TEC: variants seen among roughly 807,000 people sequenced by gnomAD.
TEC encodes the protein tec protein tyrosine kinase.
Under a neutral mutation model 93.0 loss-of-function variants are expected in TEC, and 72 were observed. The ratio of observed to expected loss-of-function variants is 0.77; its 90% confidence interval spans 0.64 to 0.94. The LOEUF (loss-of-function observed/expected upper bound fraction) is 0.94, where lower values mean the gene tolerates loss of function less well. TEC is among the 40% of genes least tolerant of loss of function. TEC has a pLI of 0.00. For missense variants in TEC, 630 were observed against 757.9 expected, an observed-to-expected ratio of 0.83 and a Z score of 1.98; for synonymous variants, 249 against 247.7, an observed-to-expected ratio of 1.01 and a Z score of -0.05.
chr4:48,151,820 C>G (rs751284828), intron 9 of TEC, among the ~76,000 whole-genome samples: 8 of 152,176 alleles, frequency 5.3e-5, no homozygotes, highest in Non-Finnish European at 8.8e-5. Context: ...GAGATGGAGG[C>G]ACAAGTAACT....
Position 48,146,373 on chromosome 4 carries a change from C to G in TEC, c.1033G>C (p.Val345Leu). 1 of 1,613,900 alleles carries G rather than the reference C, an allele frequency of 6.2e-7. No individual in the cohort carries two copies. The highest frequency in any genetic ancestry group is 8.5e-7 in the Non-Finnish European group (1 of 1,179,828). ...GGTGCATTCTTCCCTTTCACACTAA[C>G]TGGGTACCGAAGCCTGGTGACAAGT... ...AGLVTRLRYP[V>L]SVKGKNAPTT... Residue 345 changes from valine (V) to leucine (L), a missense_variant, in exon 12 of 18, where the codon GTT becomes CTT. By Grantham distance (32) the Val-to-Leu change is conservative (BLOSUM62 1). Transcript: ENST00000381501.
intron 2 of TEC, 143 bp downstream of exon 2, chr4:48,228,334 G>T: frequency 1.1e-6 from 1 of 910,276 alleles, no homozygotes; most frequent in Non-Finnish European, 1.5e-6. Context: ...TCCATACTCT[G>T]AAATTCATCT....
intron 2 of TEC, among the ~76,000 whole-genome samples, chr4:48,217,332 G>A (rs1302333093): frequency 6.6e-6 from 1 of 152,144 alleles, no homozygotes; most frequent in African/African-American, 2.4e-5. Flanking sequence ...TCGAACTCCT[G>A]ACCTCATGAT....
intron 2 of TEC, among the ~76,000 whole-genome samples, chr4:48,211,959 C>A (rs1722914411): frequency 6.6e-6 from 1 of 151,414 alleles, no homozygotes; most frequent in Non-Finnish European, 1.5e-5. Flanking sequence ...CTTAGCCAGG[C>A]GTGGTGGCAC....
At chr4:48,227,332 G>GA (rs1266861378) in intron 2 of TEC, among the ~76,000 whole-genome samples, 80 of 151,824 alleles carry the variant, frequency 5.3e-4, no homozygotes, top group South Asian at 2.1e-4. Context: ...AGATACTCTA[G>GA]AAAAAAAACA....
At chr4:48,186,345 GA>G (rs1721844342) in intron 2 of TEC, among the ~76,000 whole-genome samples, 1 of 150,888 alleles carries the variant, frequency 6.6e-6, no homozygotes, top group South Asian at 2.1e-4. Context: ...GAGCCCCTCT[GA>G]CCAGCCGCCC....
chr4:48,171,250 T>A, intron 4 of TEC, 118 bp downstream of exon 4: 1 of 762,398 alleles, frequency 1.3e-6, no homozygotes, highest in African/African-American at 1.8e-5. Flanking sequence ...GGAGAAACAC[T>A]TACTGTAGAT....
chr4:48,268,151 A>G (rs1183223216), intron 1 of TEC, among the ~76,000 whole-genome samples: 1 of 152,262 alleles, frequency 6.6e-6, no homozygotes, highest in Non-Finnish European at 1.5e-5. Flanking sequence ...AGCTGCTGAG[A>G]AAACATGATT....
chr4:48,231,882 T>G (rs1227938719), intron 1 of TEC, among the ~76,000 whole-genome samples: 3 of 152,150 alleles, frequency 2.0e-5, no homozygotes, highest in African/African-American at 7.2e-5. Flanking sequence ...AAGGCAGACT[T>G]TTGGAAGGCC....
intron 2 of TEC, among the ~76,000 whole-genome samples, chr4:48,213,399 G>A (rs1487556697): frequency 6.6e-6 from 1 of 152,172 alleles, no homozygotes; most frequent in East Asian, 1.9e-4. Flanking sequence ...GCTTTGGTAA[G>A]AAGACCAAAA....
chr4:48,250,027 A>G (rs956843411), intron 1 of TEC, among the ~76,000 whole-genome samples: 3 of 152,224 alleles, frequency 2.0e-5, no homozygotes, highest in African/African-American at 7.2e-5. Flanking sequence ...TGATAACTCC[A>G]AAATCTACAT....
At chr4:48,219,268 G>A (rs545514038) in intron 2 of TEC, among the ~76,000 whole-genome samples, 106 of 152,298 alleles carry the variant, frequency 7.0e-4, no homozygotes, top group Admixed American at 1.6e-3. Flanking sequence ...AGGGCTCCTT[G>A]GTCAAGCGGT....
At chr4:48,198,550 T>A (rs1375094801) in intron 2 of TEC, among the ~76,000 whole-genome samples, 1 of 152,220 alleles carries the variant, frequency 6.6e-6, no homozygotes, top group Non-Finnish European at 1.5e-5. Context: ...AATTTACCAA[T>A]TTACTACTCT....
intron 17 of TEC, among the ~76,000 whole-genome samples, chr4:48,137,908 C>A (rs1195307960): frequency 6.6e-6 from 1 of 152,176 alleles, no homozygotes; most frequent in East Asian, 1.9e-4. Flanking sequence ...ATAACCACCT[C>A]CTTACCTTTG....
intron 2 of TEC, among the ~76,000 whole-genome samples, chr4:48,182,626 T>A (rs913393714): frequency 6.6e-5 from 10 of 151,988 alleles, no homozygotes; most frequent in Non-Finnish European, 1.5e-4. Flanking sequence ...GACCATTTTA[T>A]ATATTGTAAA....
At chr4:48,263,167 T>G (rs4478160) in intron 1 of TEC, among the ~76,000 whole-genome samples, 140,272 of 152,200 alleles carry the variant, frequency 0.92, 65,779 homozygotes, top group East Asian at 1. Context: ...GGAACTTGGT[T>G]CACATTCCAA....
intron 2 of TEC, among the ~76,000 whole-genome samples, chr4:48,208,323 GAACT>G (rs1383606821): frequency 3.3e-5 from 5 of 152,192 alleles, no homozygotes; most frequent in Non-Finnish European, 5.9e-5. Flanking sequence ...AGCAGAGCCA[GAACT>G]AACTCCAAGC....
At chr4:48,203,227 C>T (rs1722589632) in intron 2 of TEC, among the ~76,000 whole-genome samples, 1 of 151,916 alleles carries the variant, frequency 6.6e-6, no homozygotes, top group South Asian at 2.1e-4. Context: ...TAGCTGGGTA[C>T]AGTGGTGTGC....
intron 1 of TEC, among the ~76,000 whole-genome samples, chr4:48,263,115 A>G: frequency 6.6e-6 from 1 of 152,204 alleles, no homozygotes; most frequent in Non-Finnish European, 1.5e-5. Flanking sequence ...GAAAGTCGTG[A>G]TCATCCACAA....
Sources: allele counts gnomAD v4.1 joint callset (sites outside exome capture counted in the v4.1 genomes callset), GRCh38; gene constraint gnomAD v4.1.1; transcripts MANE v1.5; gene names NCBI Gene and HGNC (gene_info 2026-07-23, HGNC 2026-07-21).